Variants in ENTPD1 observed in about 807,000 individuals in gnomAD.
ENTPD1 encodes ATP diphosphohydrolase.
ENTPD1 carries 33 observed loss-of-function variants against 57.0 expected under a neutral mutation model. The ratio of observed to expected loss-of-function variants is 0.58; its 90% CI spans 0.44 to 0.77. The LOEUF (loss-of-function observed/expected upper bound fraction) is 0.77. Among genes scored for constraint, ENTPD1 ranks in the 30% least tolerant of loss-of-function variants. The pLI is 0.00. For synonymous variants in ENTPD1, 202 were observed against 218.8 expected, an observed-to-expected ratio of 0.92 and a Z score of 0.68; for missense variants, 501 against 603.4, an observed-to-expected ratio of 0.83 and a Z score of 1.78.
At chr10:95,703,781 C>CA in the ENTPD1 span, among the ~76,000 whole-genome samples, 54 of 73,376 alleles carry the variant, frequency 7.4e-4, no homozygotes, top group African/African-American at 1.7e-3. Context: ...GACTCTGTCT[C>CA]AAAAAAAAAA....
At chr10:95,835,159 C>T (rs1446049118) in intron 2 of ENTPD1, among the ~76,000 whole-genome samples, 4 of 152,152 alleles carry the variant, frequency 2.6e-5, no homozygotes, top group South Asian at 2.1e-4. Context: ...GTGTACCCAA[C>T]GTTTAGCTTC....
At chr10:95,707,757 A>G (rs2097963102), upstream of ENTPD1, among the ~76,000 whole-genome samples, 1 of 152,188 alleles carries the variant, frequency 6.6e-6, no homozygotes, top group South Asian at 2.1e-4. Context: ...GGCATGTGCC[A>G]CTATGCCCAG....
chr10:95,741,078 G>A (rs574691676), intron 1 of ENTPD1, among the ~76,000 whole-genome samples: 45 of 152,182 alleles, frequency 3.0e-4, no homozygotes, highest in African/African-American at 1.1e-3. Flanking sequence ...TCATAACTTG[G>A]CTGTTTTCTG....
Position 95,844,649 on chromosome 10 carries a change from A to G in ENTPD1, c.573+14A>G, listed in dbSNP as rs3176886. ...AAATTCAGTCAGGTGAATATCTCAC[A>G]GCATCCATGGAGGTGGCTCTCTGGA... On this transcript the variant is annotated intron_variant, in intron 5 of 9. Coordinates refer to ENST00000371205, the MANE Select transcript of ENTPD1 (RefSeq NM_001776.6). 199,631 of 1,613,838 alleles carry G rather than the reference A, an allele frequency of 0.12. 13,222 individuals are homozygous for G. Among genetic ancestry groups the G allele is most frequent in the Middle Eastern group, 0.18 (1,089 of 5,940 alleles).
At chr10:95,864,233 G>A (rs1419085201) in intron 8 of ENTPD1, among the ~76,000 whole-genome samples, 1 of 152,160 alleles carries the variant, frequency 6.6e-6, no homozygotes, top group East Asian at 1.9e-4. Context: ...AATCACCTGG[G>A]AATCATATTG....
At chr10:95,804,623 C>T (rs2098264572) in intron 1 of ENTPD1, among the ~76,000 whole-genome samples, 1 of 152,212 alleles carries the variant, frequency 6.6e-6, no homozygotes, top group Non-Finnish European at 1.5e-5. Flanking sequence ...ACAATCATGT[C>T]ATCTGCAAAC....
intron 1 of ENTPD1, among the ~76,000 whole-genome samples, chr10:95,814,426 G>C (rs1281866995): frequency 6.6e-6 from 1 of 152,152 alleles, no homozygotes; most frequent in East Asian, 1.9e-4. Flanking sequence ...TTTAGAGTCA[G>C]GTATAACCAA....
intron 1 of ENTPD1, among the ~76,000 whole-genome samples, chr10:95,740,043 A>G (rs1433100916): frequency 2.0e-5 from 3 of 152,224 alleles, no homozygotes; most frequent in Non-Finnish European, 4.4e-5. Context: ...TTAGCTTAAA[A>G]TATTCAGTAA....
intron 2 of ENTPD1, 124 bp downstream of exon 2, chr10:95,823,488 G>A: frequency 7.6e-6 from 11 of 1,446,620 alleles, no homozygotes; most frequent in Non-Finnish European, 1.1e-5. Flanking sequence ...CCAGGAACAA[G>A]TCAATTTCCA....
rs1342589106 is a variant in ENTPD1, at chr10:95,832,129, C to T, written c.145-7562C>T. ...TGCTGACTCTGAATAGAGAAAGCAC[C>T]TTGAACAGATAAAACCGTTCCCTCC... is the stretch of plus-strand genomic sequence containing the variant. On this transcript the variant is annotated intron_variant, in intron 2 of 9. Coordinates refer to ENST00000371205, the MANE Select transcript of ENTPD1 (RefSeq NM_001776.6). Among the ~76,000 whole-genome samples, 7 of 152,270 alleles carry T rather than the reference C, an allele frequency of 4.6e-5. No homozygotes were observed. The South Asian group carries it at 1.5e-3, about 32-fold the overall frequency.
chr10:95,828,806 G>A (rs1282805985), intron 2 of ENTPD1, among the ~76,000 whole-genome samples: 2 of 151,134 alleles, frequency 1.3e-5, no homozygotes, highest in Non-Finnish European at 2.9e-5. Flanking sequence ...TGCCTCCCAG[G>A]TTCAAGCAAT....
upstream of ENTPD1, among the ~76,000 whole-genome samples, chr10:95,711,115 T>A (rs1295221832): frequency 6.6e-6 from 1 of 152,012 alleles, no homozygotes; most frequent in African/African-American, 2.4e-5. Context: ...AGGTGGGTCA[T>A]AGAAGCCAGC....
intron 2 of ENTPD1, chr10:95,839,360 C>A: frequency 2.8e-6 from 1 of 351,414 alleles, no homozygotes; most frequent in Non-Finnish European, 5.4e-6. Context: ...CTATTCCTTC[C>A]ATAGTGTCTC....
intron 1 of ENTPD1, among the ~76,000 whole-genome samples, chr10:95,727,086 G>A (rs968257498): frequency 1.2e-4 from 18 of 152,070 alleles, no homozygotes; most frequent in East Asian, 7.7e-4. Flanking sequence ...AATTTGTCCC[G>A]TGTAGTCCAA....
At chr10:95,748,109 G>A (rs746494721) in intron 1 of ENTPD1, among the ~76,000 whole-genome samples, 2 of 152,002 alleles carry the variant, frequency 1.3e-5, no homozygotes, top group South Asian at 2.1e-4. Context: ...TCCTGACCTC[G>A]TGATCCGCCC....
intron 1 of ENTPD1, among the ~76,000 whole-genome samples, chr10:95,798,066 G>A (rs1211886828): frequency 6.6e-6 from 1 of 152,204 alleles, no homozygotes; most frequent in Non-Finnish European, 1.5e-5. Flanking sequence ...TGGTGTAAAA[G>A]AGAAGCTGGC....
rs1002491125 is a variant in ENTPD1 at position 95,721,360 on chromosome 10, C to G, written c.37+9367C>G. Among the ~76,000 whole-genome samples the G allele has an allele frequency of 7.9e-5, 12 of 152,310 alleles. No homozygotes were observed. The East Asian group carries it at 2.3e-3, about 29-fold the overall frequency. ...CTGCTGGCCTGTGGGGAATCATTCTCTTTCCTCTGTTGTCATCCTATCATT... is the reference window on the plus strand; with the variant it reads ...CTGCTGGCCTGTGGGGAATCATTCTGTTTCCTCTGTTGTCATCCTATCATT... On this transcript the variant is annotated intron_variant, in intron 1 of 9. Coordinates refer to the ENTPD1 transcript ENST00000453258.
chr10:95,823,443 G>A (rs2098361581), intron 2 of ENTPD1, 79 bp downstream of exon 2: 8 of 1,602,416 alleles, frequency 5.0e-6, no homozygotes, highest in Middle Eastern at 1.7e-4. Flanking sequence ...GATAAGGTAT[G>A]TAGAGCATAG....
upstream of ENTPD1, chr10:95,755,590 T>A: frequency 9.4e-7 from 1 of 1,066,420 alleles, no homozygotes; most frequent in African/African-American, 1.6e-5. Context: ...TCCTCTGTGG[T>A]TCCACCCAGC....
Sources: allele counts gnomAD v4.1 joint callset (sites outside exome capture counted in the v4.1 genomes callset), GRCh38; gene constraint gnomAD v4.1.1; transcripts MANE v1.5; gene names NCBI Gene and HGNC (gene_info 2026-07-23, HGNC 2026-07-21).